The following SHISA9 variants were observed in gnomAD, a reference collection of about 807,000 sequenced individuals.
SHISA9 encodes the protein shisa family member 9.
A neutral mutation model predicts 38.0 loss-of-function variants in SHISA9; 13 were observed. The ratio of observed to expected loss-of-function variants is 0.34; its 90% CI spans 0.22 to 0.54. The LOEUF (loss-of-function observed/expected upper bound fraction) is 0.54, where lower values mean the gene tolerates loss of function less well. Among genes scored for constraint, SHISA9 ranks in the 20% least tolerant of loss-of-function variants. The pLI, the probability that SHISA9 is intolerant of heterozygous loss-of-function variation, is 0.91. For missense variants in SHISA9, 538 were observed against 575.8 expected (o/e 0.93, Z 0.67); for synonymous variants, 275 against 242.0 (o/e 1.14, Z -1.27).
In SHISA9 at chr16:13,237,307, A is replaced by G. The variant is rs2051394892; in HGVS notation, c.*1898A>G. The G allele has an allele frequency of 6.6e-6, 1 of 152,190 alleles. No individual in the cohort carries two copies. The highest frequency in any genetic ancestry group is 1.5e-5 in the Non-Finnish European group (1 of 68,034). 9.4% of individuals were successfully genotyped at this position (152,190 alleles called of 1,614,324 possible). On this transcript the variant is annotated 3_prime_UTR_variant, in exon 5 of 5. Coordinates refer to ENST00000558583, the MANE Select transcript of SHISA9 (RefSeq NM_001145204.3). ...TCTGGGCCTGAGTCTCCCATCTGAA[A>G]CATGGGGAATTGGGGTAGGTCAAGC...
At chr16:12,975,519 AG>A (rs1342460605) in intron 2 of SHISA9, among the ~76,000 whole-genome samples, 2 of 151,964 alleles carry the variant, frequency 1.3e-5, no homozygotes, top group Non-Finnish European at 2.9e-5. Flanking sequence ...GAAAGGAAAA[AG>A]GAATAGAGTT....
chr16:13,322,684 G>A, the SHISA9 span, among the ~76,000 whole-genome samples: 4 of 152,138 alleles, frequency 2.6e-5, no homozygotes, highest in Non-Finnish European at 4.4e-5. Context: ...ACCCACTCTC[G>A]CATCCCCATC....
the SHISA9 span, among the ~76,000 whole-genome samples, chr16:13,514,292 C>A: frequency 8.0e-5 from 12 of 149,122 alleles, no homozygotes; most frequent in Admixed American, 1.3e-4. Flanking sequence ...TGCACCCAGC[C>A]AATTAAATTA....
intron 2 of SHISA9, among the ~76,000 whole-genome samples, chr16:13,075,961 C>A (rs1304006771): frequency 1.3e-5 from 2 of 151,840 alleles, no homozygotes; most frequent in Admixed American, 1.3e-4. Context: ...TCGGTTGTGA[C>A]AACCAAAAGT....
At chr16:13,406,544 G>A in the SHISA9 span, among the ~76,000 whole-genome samples, 1 of 152,148 alleles carries the variant, frequency 6.6e-6, no homozygotes, top group Non-Finnish European at 1.5e-5. Flanking sequence ...GCTTTCTACT[G>A]TCTTGTACTC....
chr16:13,478,532 G>C, the SHISA9 span, among the ~76,000 whole-genome samples: 2 of 152,166 alleles, frequency 1.3e-5, no homozygotes, highest in Non-Finnish European at 2.9e-5. Context: ...TTGTGCATCA[G>C]TTCCTGCAGC....
the SHISA9 span, among the ~76,000 whole-genome samples, chr16:13,281,561 GTTTT>G: frequency 8.3e-5 from 6 of 72,336 alleles, no homozygotes; most frequent in East Asian, 2.8e-3. Flanking sequence ...TCATTCCTCT[GTTTT>G]TTTTTTTCTT....
intron 4 of SHISA9, among the ~76,000 whole-genome samples, chr16:13,222,343 C>T (rs562293684): frequency 1.3e-5 from 2 of 152,290 alleles, no homozygotes; most frequent in South Asian, 4.1e-4. Context: ...GACCCAGGTT[C>T]CTCCAACCTT....
chr16:13,074,790 G>A (rs544678281), intron 2 of SHISA9, among the ~76,000 whole-genome samples: 39 of 150,772 alleles, frequency 2.6e-4, no homozygotes, highest in East Asian at 2.0e-3. Context: ...TCAGCCTCCC[G>A]AGCAGCTGGG....
At chr16:13,068,012 G>A (rs117637949) in intron 2 of SHISA9, among the ~76,000 whole-genome samples, 7 of 152,284 alleles carry the variant, frequency 4.6e-5, no homozygotes, top group East Asian at 3.9e-4. Context: ...GTCAGTTTCC[G>A]GCTGGCTGGG....
intron 2 of SHISA9, among the ~76,000 whole-genome samples, chr16:13,118,734 T>C (rs969969517): frequency 1.0e-4 from 15 of 148,820 alleles, no homozygotes; most frequent in Admixed American, 2.0e-4. Context: ...TTTTTTCTTT[T>C]TTTTTTTTTT....
intron 2 of SHISA9, among the ~76,000 whole-genome samples, chr16:12,971,164 A>G (rs918755783): frequency 6.6e-6 from 1 of 152,186 alleles, no homozygotes; most frequent in African/African-American, 2.4e-5. Flanking sequence ...CTAAACTTCA[A>G]GACTAAAACT....
At chr16:13,499,862 C>G in the SHISA9 span, among the ~76,000 whole-genome samples, 528 of 152,272 alleles carry the variant, frequency 3.5e-3, 6 homozygotes, top group Non-Finnish European at 2.2e-3. Flanking sequence ...ATCTATCCGT[C>G]TACTTACCCA....
intron 2 of SHISA9, among the ~76,000 whole-genome samples, chr16:13,080,315 G>T (rs928777475): frequency 3.9e-5 from 6 of 152,228 alleles, no homozygotes; most frequent in Non-Finnish European, 5.9e-5. Context: ...GGAGCTTGCA[G>T]TGAGCCTAGA....
chr16:13,298,564 C>G, the SHISA9 span, among the ~76,000 whole-genome samples: 1 of 152,102 alleles, frequency 6.6e-6, no homozygotes, highest in Non-Finnish European at 1.5e-5. Context: ...TAAGTACATT[C>G]CTCAGGATCA....
chr16:13,444,361 ACT>A, the SHISA9 span, among the ~76,000 whole-genome samples: 137 of 147,684 alleles, frequency 9.3e-4, no homozygotes, highest in Middle Eastern at 6.9e-3. Flanking sequence ...ACAGAGCAAG[ACT>A]CTGTGAAAAG....
At chr16:12,966,361 C>T (rs1403794818) in intron 2 of SHISA9, among the ~76,000 whole-genome samples, 4 of 151,918 alleles carry the variant, frequency 2.6e-5, no homozygotes, top group Admixed American at 6.6e-5. Flanking sequence ...AATCCTAAAG[C>T]GCTTTATCTC....
the SHISA9 span, among the ~76,000 whole-genome samples, chr16:13,433,105 G>GAA: frequency 1.9e-3 from 270 of 142,872 alleles, no homozygotes; most frequent in African/African-American, 5.8e-3. Context: ...GCTTGAAAAT[G>GAA]AAAAAAAAAA....
At chr16:13,506,599 C>A in the SHISA9 span, among the ~76,000 whole-genome samples, 44,959 of 151,990 alleles carry the variant, frequency 0.3, 7,060 homozygotes, top group East Asian at 0.38. Context: ...CAAGTGCCTT[C>A]TGTTGAGAAT....
Sources: allele counts gnomAD v4.1 joint callset (sites outside exome capture counted in the v4.1 genomes callset), GRCh38; gene constraint gnomAD v4.1.1; transcripts MANE v1.5; gene names NCBI Gene and HGNC (gene_info 2026-07-23, HGNC 2026-07-21).